CRYGN: variants seen among roughly 807,000 people sequenced by gnomAD.
CRYGN encodes the protein gamma-crystallin N.
Under a neutral mutation model 19.2 loss-of-function variants are expected in CRYGN, and 17 were observed. The ratio of observed to expected loss-of-function variants is 0.89; its 90% CI spans 0.61 to 1.33. The LOEUF (loss-of-function observed/expected upper bound fraction) is 1.33, where lower values mean the gene tolerates loss of function less well. Among genes scored for constraint, CRYGN ranks in the 40% most tolerant of loss-of-function variants. The pLI is 0.00. For missense variants in CRYGN, 239 were observed against 239.6 expected, an observed-to-expected ratio of 1.00 and a Z score of 0.02; for synonymous variants, 84 against 85.8, an observed-to-expected ratio of 0.98 and a Z score of 0.12.
chr7:151,440,234 T>C (rs955914433), upstream of CRYGN: 1 of 571,304 alleles, frequency 1.8e-6, no homozygotes, highest in Non-Finnish European at 2.7e-6. Context: ...AGGGGAGGTG[T>C]CTCTCTAGCC....
chr7:151,435,105 C>T lies in CRYGN; in HGVS notation c.416+1075G>A, dbSNP rs938132623. On this transcript the variant is annotated intron_variant, in intron 3 of 3. Transcript: ENST00000337323. This position sits in a 1 kb window ranked among gnomAD's most constrained non-coding sequence, Gnocchi z 4.2. ...TCTGCCTCGGCCCAGTCTCTGTCTC[C>T]CTGCAGTCCCTCTGCCCCCTGCATC... is the stretch of plus-strand genomic sequence containing the variant. Among the ~76,000 whole-genome samples the T allele has an allele frequency of 1.3e-5, 2 of 152,234 alleles. No individual in the cohort carries two copies. The highest frequency in any genetic ancestry group is 3.8e-4 in the East Asian group (2 of 5,200).
Position 151,429,994 on chromosome 7 carries a change from C to G in CRYGN, c.*54G>C, listed in dbSNP as rs1315656367. ...CTGAGGGCATGATTTTAAGTAAACA[C>G]TCTCCCGGCTCAGAAACGGTGCAGG... On this transcript the variant is annotated 3_prime_UTR_variant, in exon 4 of 4. Transcript: ENST00000337323. The G allele has an allele frequency of 3.7e-6, 3 of 800,628 alleles. No individual in the cohort carries two copies. The highest frequency in any genetic ancestry group is 6.9e-6 in the Non-Finnish European group (3 of 436,966). The allele number at this position is 800,628 out of a possible 1,614,324, so 49.6% of individuals were successfully genotyped here.
rs536973143 is a variant in CRYGN at position 151,435,020 on chromosome 7, G to C, written c.416+1160C>G. Among the ~76,000 whole-genome samples the C allele has an allele frequency of 6.6e-5, 10 of 152,208 alleles. No homozygotes were observed. Among genetic ancestry groups the C allele is most frequent in the Non-Finnish European group, 1.5e-4 (10 of 68,046 alleles). On this transcript the variant is annotated intron_variant, in intron 3 of 3. Coordinates refer to ENST00000337323, the MANE Select transcript of CRYGN (RefSeq NM_144727.3). The surrounding 1 kb of genome is among the most constrained non-coding windows in gnomAD (Gnocchi z 4.2). ...CATATTCAGCATAGACACAATTGTG[G>C]GGGGATATTTTCGCTGTGCGGTTGG...
chr7:151,432,110 C>T (rs1271197435), intron 3 of CRYGN: 4 of 1,073,666 alleles, frequency 3.7e-6, no homozygotes, highest in Non-Finnish European at 1.2e-6. Context: ...TTGCCCCTGT[C>T]CCCAGAGCTG....
chr7:151,435,132 C>G lies in CRYGN; in HGVS notation c.416+1048G>C, dbSNP rs1199660838. Among the ~76,000 whole-genome samples the G allele has an allele frequency of 6.6e-6, 1 of 152,236 alleles. No individual in the cohort carries two copies. The highest frequency in any genetic ancestry group is 2.4e-5 in the African/African-American group (1 of 41,450). ...TGCAGTCCCTCTGCCCCCTGCATCC[C>G]CTCCGAAGCTCCCTGGCCTTGAACC... is the stretch of plus-strand genomic sequence containing the variant. On this transcript the variant is annotated intron_variant, in intron 3 of 3. Transcript: ENST00000337323. This position sits in a 1 kb window ranked among gnomAD's most constrained non-coding sequence, Gnocchi z 4.2.
rs913430389 is a variant in CRYGN, at chr7:151,435,992, G to A, written c.416+188C>T. On this transcript the variant is annotated intron_variant, in intron 3 of 3. Transcript: ENST00000337323. This position sits in a 1 kb window ranked among gnomAD's most constrained non-coding sequence, Gnocchi z 4.2. ...TTCTGGGCCACAGGGGAAGCTCCCC[G>A]CTGCTTGACTGGGGCAGGTGAGGCA... 2.1e-4 allele frequency among the ~76,000 whole-genome samples: 32 copies of A among 152,126 alleles called. No individual in the cohort carries two copies. The highest frequency in any genetic ancestry group is 7.0e-4 in the African/African-American group (29 of 41,426).
At position 151,435,556 on chromosome 7, in the gene CRYGN, G is replaced by C. The variant is rs1243358944; in HGVS notation, c.416+624C>G. On this transcript the variant is annotated intron_variant, in intron 3 of 3. Transcript: ENST00000337323. The surrounding 1 kb of genome is among the most constrained non-coding windows in gnomAD (Gnocchi z 4.2). ...GTTGACCAGGAGGAAACCCAAGTGT[G>C]GGGCAGACAAACCCATCTGGGCCTG... Among the ~76,000 whole-genome samples, 1 of 152,130 alleles carries C rather than the reference G, an allele frequency of 6.6e-6. No homozygotes were observed. Among genetic ancestry groups the C allele is most frequent in the Non-Finnish European group, 1.5e-5 (1 of 68,024 alleles).
At chr7:151,439,116 T>A (rs550119778) in intron 1 of CRYGN, 1 of 152,366 alleles carries the variant, frequency 6.6e-6, no homozygotes, top group South Asian at 2.1e-4. Context: ...CACCAGTGTC[T>A]CCAGTTCGCT....
rs1446057122 is a variant in CRYGN, at chr7:151,433,947, C to T, written c.416+2233G>A. Among the ~76,000 whole-genome samples, 1 of 152,104 alleles carries T rather than the reference C, an allele frequency of 6.6e-6. No homozygotes were observed. Among genetic ancestry groups the T allele is most frequent in the African/African-American group, 2.4e-5 (1 of 41,404 alleles). The stretch of plus-strand genomic sequence containing the variant: ...CAGTGCATTTCCCTCCGAGAGCCCA[C>T]CAGGACACGGGTCTGAGGGGATGGG... On this transcript the variant is annotated intron_variant, in intron 3 of 3. Transcript: ENST00000337323. This position sits in a 1 kb window ranked among gnomAD's most constrained non-coding sequence, Gnocchi z 5.1.
rs1016370286 is a variant in CRYGN, at chr7:151,435,930, G to T, written c.416+250C>A. Among the ~76,000 whole-genome samples the T allele has an allele frequency of 2.6e-5, 4 of 152,180 alleles. No homozygotes were observed. The highest frequency in any genetic ancestry group is 5.9e-5 in the Non-Finnish European group (4 of 68,010). On this transcript the variant is annotated intron_variant, in intron 3 of 3. Coordinates refer to ENST00000337323, the MANE Select transcript of CRYGN (RefSeq NM_144727.3). This position sits in a 1 kb window ranked among gnomAD's most constrained non-coding sequence, Gnocchi z 4.2. ...CTGAGGCCCTAGAGGGAAGGTCTCA[G>T]GGTGCCTCTGGGGCCCAGAGTCCCT...
rs1245827409 is a variant in CRYGN, at chr7:151,439,328, C to T, written c.21+569G>A. Among the ~76,000 whole-genome samples, 4 of 152,168 alleles carry T rather than the reference C, an allele frequency of 2.6e-5. No homozygotes were observed. In the East Asian group the frequency reaches 7.7e-4, roughly 29 times the overall value. On this transcript the variant is annotated intron_variant, in intron 1 of 3. Transcript: ENST00000337323. ...CACTCTGGAATGTGGCCTTGGAGACCAAAGGCTTCATGGGAGTGGCTAGGC... is the reference window on the plus strand; with the variant it reads ...CACTCTGGAATGTGGCCTTGGAGACTAAAGGCTTCATGGGAGTGGCTAGGC...
Position 151,436,180 on chromosome 7 carries a change from G to T in CRYGN, c.416C>A (p.Ala139Glu). ...VNTIKVYGDG[A>E]AWSPRSFGAE... ...GTGCGGCCACGTGGCCTGTACTCAC[G>T]CTCCGTCCCCGTACACCTTGATGGT... is the stretch of plus-strand genomic sequence containing the variant. Residue 139 changes from alanine to glutamate, a missense_variant and splice_region_variant, in exon 3 of 4, where the codon GCA (alanine) becomes GAA (glutamate). Transcript: ENST00000337323. This position sits in a 1 kb window ranked among gnomAD's most constrained non-coding sequence, Gnocchi z 5.1. The T allele has an allele frequency of 1.3e-6, 2 of 1,484,798 alleles. No individual in the cohort carries two copies. The highest frequency in any genetic ancestry group is 1.8e-6 in the Non-Finnish European group (2 of 1,109,900). 92.0% of individuals were successfully genotyped at this position (1,484,798 alleles called of 1,614,324 possible). A position where few individuals can be genotyped will look rare whatever the true frequency, so the allele number is the denominator to read the frequency against.
At chr7:151,439,875 T>G in intron 1 of CRYGN, 22 bp downstream of exon 1, 8 of 1,554,916 alleles carry the variant, frequency 5.1e-6, no homozygotes, top group Non-Finnish European at 7.0e-6. Context: ...TCGGTTTCCT[T>G]GGGGTTGAGG....
Position 151,436,249 on chromosome 7 carries a change from C to T in CRYGN, c.347G>A (p.Ser116Asn). Residue 116 changes from serine to asparagine, a missense_variant, in exon 3 of 4, where the codon AGC becomes AAC. Ser to Asn is a conservative substitution (Grantham distance 46). Transcript: ENST00000337323. This position sits in a 1 kb window ranked among gnomAD's most constrained non-coding sequence, Gnocchi z 5.1. ...CCAGCCCCTGCTCTGGAGGAAGGGG[C>T]TGTCCTCCAGGAACTCCAGGCACTG... ...TGQCLEFLED[S>N]PFLQSRGWVK... 6.3e-7 allele frequency: 1 copy of T among 1,599,322 alleles called. No homozygotes were observed. The highest frequency in any genetic ancestry group is 8.5e-7 in the Non-Finnish European group (1 of 1,172,806).
rs576907305 is a variant in CRYGN at position 151,435,648 on chromosome 7, GC to G, written c.416+531del. ...CCCCGAAGTCCATCTCCTCCCAGAG[GC>G]CAGGGTGGTGGGGGTTTGCAGAGAG... On this transcript the variant is annotated intron_variant, in intron 3 of 3. Transcript: ENST00000337323. The surrounding 1 kb of genome is among the most constrained non-coding windows in gnomAD (Gnocchi z 4.2). Among the ~76,000 whole-genome samples, 10 of 152,054 alleles carry G rather than the reference GC, an allele frequency of 6.6e-5. No homozygotes were observed. In the East Asian group the frequency reaches 1.6e-3, roughly 24 times the overall value.
chr7:151,436,551 A>G lies in CRYGN; in HGVS notation c.271-226T>C, dbSNP rs903179717. ...TGTTCCAAGCCACTGAGCTGGTCCA[A>G]GCTCCTCTTTCTACAACTAGAAAAT... On this transcript the variant is annotated intron_variant, in intron 2 of 3. Coordinates refer to ENST00000337323, the MANE Select transcript of CRYGN (RefSeq NM_144727.3). This position sits in a 1 kb window ranked among gnomAD's most constrained non-coding sequence, Gnocchi z 5.1. 5.9e-5 allele frequency among the ~76,000 whole-genome samples: 9 copies of G among 152,146 alleles called. No homozygotes were observed. The highest frequency in any genetic ancestry group is 6.3e-3 in the Middle Eastern group (2 of 316).
Position 151,435,698 on chromosome 7 carries a change from C to T in CRYGN, c.416+482G>A, listed in dbSNP as rs975128295. On this transcript the variant is annotated intron_variant, in intron 3 of 3. Transcript: ENST00000337323. This position sits in a 1 kb window ranked among gnomAD's most constrained non-coding sequence, Gnocchi z 4.2. ...AGGCCCGGTTCAGGGGTCAGCTCTG[C>T]GGGGTAGGCGCGGGGGCAGGGTGGG... is the stretch of plus-strand genomic sequence containing the variant. 2.2e-5 allele frequency among the ~76,000 whole-genome samples: 3 copies of T among 137,794 alleles called. No homozygotes were observed. Among genetic ancestry groups the T allele is most frequent in the African/African-American group, 5.3e-5 (2 of 37,606 alleles). 90.4% of individuals were successfully genotyped at this position (137,794 alleles called of 152,430 possible). A position where few individuals can be genotyped will look rare whatever the true frequency, so the allele number is the denominator to read the frequency against.
At chr7:151,438,380 T>TA (rs1801676978) in intron 1 of CRYGN, 136 bp from the exon 2 acceptor site, 15 of 815,118 alleles carry the variant, frequency 1.8e-5, no homozygotes, top group Non-Finnish European at 2.3e-5. Flanking sequence ...CTGCACACAG[T>TA]AGGTGCCCAA....
chr7:151,438,164 G>C lies in CRYGN; in HGVS notation c.102C>G (p.Gly34=). Residue 34 remains glycine, a synonymous_variant, in exon 2 of 4, where the codon GGC becomes GGG. Transcript: ENST00000337323. ...GGATGGAGTTCACTCGGTTCATAAA[G>C]CCCCGGTCCTGGAAGTTGTCACAGT... ...FGDCDNFQDR[G]FMNRVNSIHV... 1 of 1,614,220 alleles carries C rather than the reference G, an allele frequency of 6.2e-7. No individual in the cohort carries two copies. Among genetic ancestry groups the C allele is most frequent in the Non-Finnish European group, 8.5e-7 (1 of 1,180,046 alleles).
Sources: allele counts gnomAD v4.1 joint callset (sites outside exome capture counted in the v4.1 genomes callset), GRCh38; gene constraint gnomAD v4.1.1; non-coding constraint Gnocchi (gnomAD v3.1); transcripts MANE v1.5; gene names NCBI Gene and HGNC (gene_info 2026-07-23, HGNC 2026-07-21).